The following ADGRV1 variants were observed in gnomAD, a reference collection of about 807,000 sequenced individuals.
The protein encoded by ADGRV1 is G-protein coupled receptor 98.
In ADGRV1, 359 loss-of-function variants were observed where a neutral mutation model predicts 596.2. The ratio of observed to expected loss-of-function variants is 0.60; its 90% confidence interval spans 0.55 to 0.66. The LOEUF (loss-of-function observed/expected upper bound fraction) is 0.66. ADGRV1 is among the 30% of genes least tolerant of loss of function. The pLI is 0.00. For synonymous variants in ADGRV1, 2,681 were observed against 2,679.2 expected (o/e 1.00, Z -0.02); for missense variants, 7,274 against 7,575.6 (o/e 0.96, Z 1.48).
At chr5:90,595,650 C>A (rs1442371824) in intron 1 of ADGRV1, among the ~76,000 whole-genome samples, 5 of 132,160 alleles carry the variant, frequency 3.8e-5, no homozygotes, top group Admixed American at 7.1e-5. Flanking sequence ...GGGCGGCTGG[C>A]CGGGCGGGGA....
chr5:90,920,535 G>C (rs1172723743), intron 83 of ADGRV1, among the ~76,000 whole-genome samples: 1 of 152,050 alleles, frequency 6.6e-6, no homozygotes, highest in Non-Finnish European at 1.5e-5. Flanking sequence ...AGATTTAAGA[G>C]TTATTTCTAA....
intron 84 of ADGRV1, among the ~76,000 whole-genome samples, chr5:90,976,889 C>T (rs1045634013): frequency 2.0e-5 from 3 of 152,164 alleles, no homozygotes; most frequent in African/African-American, 7.2e-5. Context: ...TTTGAAACTA[C>T]AGCTTAATTG....
chr5:90,795,783 G>A (rs113802395), intron 70 of ADGRV1, among the ~76,000 whole-genome samples: 7,522 of 152,262 alleles, frequency 0.049, 243 homozygotes, highest in Non-Finnish European at 0.071. Context: ...CCGCTGGGTC[G>A]AAGCTTCCAG....
intron 33 of ADGRV1, among the ~76,000 whole-genome samples, chr5:90,696,624 C>G (rs1464331764): frequency 6.6e-6 from 1 of 152,078 alleles, no homozygotes; most frequent in African/African-American, 2.4e-5. Context: ...CTAGCTAGGT[C>G]ACTGTTCTTG....
intron 83 of ADGRV1, among the ~76,000 whole-genome samples, chr5:90,932,445 T>G (rs1775330921): frequency 3.9e-5 from 6 of 152,158 alleles, no homozygotes; most frequent in Admixed American, 3.9e-4. Flanking sequence ...AATGGCCTTT[T>G]TTGTTGTTGT....
In ADGRV1 at chr5:90,705,403, T is replaced by G. The variant is rs374346827; in HGVS notation, c.8390T>G (p.Val2797Gly). ...VILYDVRTQG[V>G]PPAGIALLDA... ...GATTCCTGCCTGACATTTTTAGGAG[T>G]TCCACCAGCCGGAATCGCCCTGCTT... Residue 2797 changes from valine (V) to glycine (G), a missense_variant, in exon 37 of 90, where the codon GTT becomes GGT. By Grantham distance (109) the Val-to-Gly change is moderately radical (BLOSUM62 -3). Transcript: ENST00000405460. 59 of 1,612,990 alleles carry G rather than the reference T, an allele frequency of 3.7e-5. No individual in the cohort carries two copies. The highest frequency in any genetic ancestry group is 4.7e-5 in the Non-Finnish European group (56 of 1,179,522).
chr5:90,967,100 C>T (rs145802120), intron 84 of ADGRV1, among the ~76,000 whole-genome samples: 6 of 152,144 alleles, frequency 3.9e-5, no homozygotes, highest in African/African-American at 1.2e-4. Context: ...TTGTTTTCCC[C>T]AGTATGATAT....
chr5:90,590,469 C>T (rs1759342348), intron 1 of ADGRV1, among the ~76,000 whole-genome samples: 1 of 152,162 alleles, frequency 6.6e-6, no homozygotes, highest in Non-Finnish European at 1.5e-5. Context: ...CTAGCTTAGG[C>T]TTCCTGAAAG....
At chr5:90,581,682 G>C (rs939079880) in intron 1 of ADGRV1, among the ~76,000 whole-genome samples, 2 of 152,214 alleles carry the variant, frequency 1.3e-5, no homozygotes, top group South Asian at 2.1e-4. Context: ...GTGTCTCCCA[G>C]TTAGGCCACA....
At chr5:91,114,652 C>A (rs969804385) in intron 87 of ADGRV1, among the ~76,000 whole-genome samples, 1 of 152,104 alleles carries the variant, frequency 6.6e-6, no homozygotes. Context: ...TTGAGGGGAC[C>A]CAGGACTCCA....
chr5:90,738,584 C>A (rs2460185), intron 50 of ADGRV1, among the ~76,000 whole-genome samples: 1 of 151,750 alleles, frequency 6.6e-6, no homozygotes, highest in African/African-American at 2.4e-5. Flanking sequence ...GTAAAGTATT[C>A]TTGGTAGAAG....
In ADGRV1 at chr5:90,666,219, A is replaced by G. The variant is rs372212241; in HGVS notation, c.4753-6327A>G. On this transcript the variant is annotated intron_variant, in intron 21 of 89. Coordinates refer to ENST00000405460, the MANE Select transcript of ADGRV1 (RefSeq NM_032119.4). ...GTCTAATGTTGACAGTGGGGTGTTA[A>G]AGTCTCCCATTATTAATGTGTGGGA... is the stretch of plus-strand genomic sequence containing the variant. Among the ~76,000 whole-genome samples the G allele has an allele frequency of 1.4e-4, 21 of 151,414 alleles. No individual in the cohort carries two copies. In the East Asian group the frequency reaches 3.3e-3, roughly 24 times the overall value.
chr5:90,686,731 G>C (rs1745706792), intron 29 of ADGRV1, among the ~76,000 whole-genome samples: 1 of 152,198 alleles, frequency 6.6e-6, no homozygotes, highest in African/African-American at 2.4e-5. Flanking sequence ...TATATACTCA[G>C]TAATGGGATG....
chr5:91,002,934 C>T (rs974139614), intron 85 of ADGRV1, among the ~76,000 whole-genome samples: 1 of 152,152 alleles, frequency 6.6e-6, no homozygotes, highest in African/African-American at 2.4e-5. Context: ...CCTACATAGC[C>T]TAGTTATCTG....
At chr5:91,053,706 T>C (rs955706995) in intron 85 of ADGRV1, among the ~76,000 whole-genome samples, 2 of 152,226 alleles carry the variant, frequency 1.3e-5, no homozygotes, top group Admixed American at 6.5e-5. Context: ...TTAACTTCCC[T>C]GCACATAATA....
At chr5:90,956,177 A>G (rs1255146277) in intron 83 of ADGRV1, among the ~76,000 whole-genome samples, 3 of 152,148 alleles carry the variant, frequency 2.0e-5, no homozygotes, top group Non-Finnish European at 1.5e-5. Context: ...TATGAAGCAA[A>G]AACAGCAATT....
chr5:90,703,629 A>C (rs779557258), intron 34 of ADGRV1, 36 bp from the exon 35 acceptor site: 1 of 1,496,416 alleles, frequency 6.7e-7, no homozygotes, highest in Non-Finnish European at 9.1e-7. Context: ...TTTATTTTCC[A>C]TTAAGTATTT....
chr5:91,131,236 A>G lies in ADGRV1; in HGVS notation c.18433-18794A>G, dbSNP rs1485450114. Among the ~76,000 whole-genome samples, 3 of 152,206 alleles carry G rather than the reference A, an allele frequency of 2.0e-5. No individual in the cohort carries two copies. In the South Asian group the frequency reaches 6.2e-4, roughly 32 times the overall value. ...ACTGAACTAATTTGCATTCTCGCCA[A>G]CGTATATAAAAATTCCCTTTTCTCT... On this transcript the variant is annotated intron_variant, in intron 87 of 89. Transcript: ENST00000405460.
chr5:90,906,293 G>C (rs1276511343), intron 83 of ADGRV1, among the ~76,000 whole-genome samples: 1 of 151,954 alleles, frequency 6.6e-6, no homozygotes, highest in Non-Finnish European at 1.5e-5. Context: ...GAACAATTTG[G>C]GTAGGATTGG....
Sources: gnomAD v4.1 joint callset for allele counts (sites outside exome capture counted in the v4.1 genomes callset) on GRCh38, gnomAD v4.1.1 for gene constraint, MANE v1.5 for transcripts, NCBI Gene and HGNC (gene_info 2026-07-23, HGNC 2026-07-21) for gene names.